Variants in TRPM6 observed in about 807,000 individuals in gnomAD.
TRPM6 encodes the protein transient receptor potential cation channel subfamily M member 6.
TRPM6 carries 111 observed loss-of-function variants against 247.6 expected under a neutral mutation model. That is an observed-to-expected ratio of 0.45 (90% CI 0.38 to 0.52). The LOEUF (loss-of-function observed/expected upper bound fraction) is 0.52, where lower values mean the gene tolerates loss of function less well. Ranked by LOEUF, TRPM6 falls within the 20% of genes least tolerant of loss-of-function variation. The pLI is 0.00. For missense variants in TRPM6, 2,126 were observed against 2,421.5 expected, an observed-to-expected ratio of 0.88 and a Z score of 2.56; for synonymous variants, 892 against 853.8, an observed-to-expected ratio of 1.04 and a Z score of -0.78.
intron 25 of TRPM6, 89 bp from the exon 26 acceptor site, chr9:74,763,223 C>G: frequency 1.6e-6 from 2 of 1,281,152 alleles, no homozygotes; most frequent in Non-Finnish European, 2.2e-6. Context: ...CCTTAAATGG[C>G]TCCTGAGCCT....
chr9:74,861,066 G>C (rs1479117594), intron 1 of TRPM6, among the ~76,000 whole-genome samples: 1 of 152,040 alleles, frequency 6.6e-6, no homozygotes. Flanking sequence ...CTATCTTTTT[G>C]AATCAGTCAG....
chr9:74,724,724 G>A lies in TRPM6; in HGVS notation c.5958C>T (p.Ser1986=). Residue 1986 remains serine (S), a synonymous_variant, in exon 39 of 39, where the codon TCC becomes TCT. Coordinates refer to ENST00000360774, the MANE Select transcript of TRPM6 (RefSeq NM_017662.5). ...CAAAGGTGGAATTTATCCTTTCAGGGGAATAGTCATTTCTTTTTAAATCTG... is the reference window on the plus strand; with the variant it reads ...CAAAGGTGGAATTTATCCTTTCAGGAGAATAGTCATTTCTTTTTAAATCTG... The part of the protein sequence containing the change: ...KLPDLKRNDY[S]PERINSTFGL... 6.2e-7 allele frequency: 1 copy of A among 1,614,096 alleles called. No homozygotes were observed. The highest frequency in any genetic ancestry group is 8.5e-7 in the Non-Finnish European group (1 of 1,180,026).
At chr9:74,816,465 GAAA>G (rs34100441) in intron 11 of TRPM6, among the ~76,000 whole-genome samples, 25 of 93,650 alleles carry the variant, frequency 2.7e-4, no homozygotes, top group African/African-American at 7.7e-4. Flanking sequence ...GCAGAGCCAG[GAAA>G]AAAAAAAAAA....
chr9:74,727,139 T>C (rs1247339542), intron 38 of TRPM6, among the ~76,000 whole-genome samples: 3 of 151,946 alleles, frequency 2.0e-5, no homozygotes, highest in African/African-American at 7.3e-5. Context: ...CCCAGCACTT[T>C]GGGGAGGCCG....
chr9:74,822,456 T>A (rs985530205), intron 7 of TRPM6, among the ~76,000 whole-genome samples: 2 of 151,390 alleles, frequency 1.3e-5, no homozygotes, highest in Non-Finnish European at 2.9e-5. Flanking sequence ...GGTCTCCCTA[T>A]GTTGCTCAGG....
Position 74,763,647 on chromosome 9 carries a change from A to G in TRPM6, c.3537-513T>C, listed in dbSNP as rs78015117. Among the ~76,000 whole-genome samples the G allele has an allele frequency of 2.6e-5, 4 of 152,148 alleles. No individual in the cohort carries two copies. The East Asian group carries it at 7.7e-4, about 29-fold the overall frequency. ...ACAGATCTTTAAAATTAAAAAAAAA[A>G]TCTCTAACTCTACTGTTCAAACAGG... On this transcript the variant is annotated intron_variant, in intron 25 of 38. Coordinates refer to ENST00000360774, the MANE Select transcript of TRPM6 (RefSeq NM_017662.5).
intron 21 of TRPM6, among the ~76,000 whole-genome samples, chr9:74,784,617 A>G (rs752887560): frequency 6.6e-6 from 1 of 152,214 alleles, no homozygotes; most frequent in Non-Finnish European, 1.5e-5. Context: ...GTAGCCTCAC[A>G]TGAATCTCGT....
At chr9:74,853,093 C>G (rs1587582173) in intron 3 of TRPM6, among the ~76,000 whole-genome samples, 1 of 151,928 alleles carries the variant, frequency 6.6e-6, no homozygotes, top group East Asian at 1.9e-4. Context: ...AGCGCCTCTG[C>G]CCGGCCGCGA....
intron 5 of TRPM6, among the ~76,000 whole-genome samples, chr9:74,836,632 G>A (rs1829732157): frequency 6.6e-6 from 1 of 152,172 alleles, no homozygotes; most frequent in African/African-American, 2.4e-5. Context: ...AACCCAATTT[G>A]ACCATGTTAT....
intron 15 of TRPM6, among the ~76,000 whole-genome samples, chr9:74,802,439 A>T (rs952523683): frequency 6.6e-6 from 1 of 152,188 alleles, no homozygotes; most frequent in African/African-American, 2.4e-5. Flanking sequence ...CCTCTTTAGG[A>T]TATACCCAGA....
At chr9:74,799,549 TACAC>T (rs140623880) in intron 17 of TRPM6, among the ~76,000 whole-genome samples, 16 of 145,184 alleles carry the variant, frequency 1.1e-4, no homozygotes, top group Middle Eastern at 3.5e-3. Context: ...CACACACACA[TACAC>T]ACACACACAC....
At chr9:74,774,155 A>C (rs918271613) in intron 24 of TRPM6, among the ~76,000 whole-genome samples, 3 of 152,190 alleles carry the variant, frequency 2.0e-5, no homozygotes, top group Non-Finnish European at 2.9e-5. Flanking sequence ...AAATTCAACA[A>C]TGTTCCACAA....
At chr9:74,804,681 G>A in intron 14 of TRPM6, 1 of 776,418 alleles carries the variant, frequency 1.3e-6, no homozygotes, top group Non-Finnish European at 2.3e-6. Context: ...CCCTACTGAA[G>A]ACTGGAGCTC....
At chr9:74,787,343 A>AG (rs1330280653) in intron 20 of TRPM6, among the ~76,000 whole-genome samples, 1 of 151,434 alleles carries the variant, frequency 6.6e-6, no homozygotes, top group African/African-American at 2.4e-5. Flanking sequence ...TCAAAAGAAA[A>AG]AAAAAAAGAA....
intron 14 of TRPM6, among the ~76,000 whole-genome samples, 191 bp downstream of exon 14, chr9:74,807,843 G>T (rs577843413): frequency 1.3e-5 from 2 of 152,188 alleles, no homozygotes; most frequent in African/African-American, 4.8e-5. Context: ...CTAAACTTCT[G>T]ATCCTTACGC....
intron 35 of TRPM6, 48 bp downstream of exon 35, chr9:74,739,319 A>G (rs768920046): frequency 2.0e-6 from 3 of 1,513,886 alleles, no homozygotes; most frequent in South Asian, 2.2e-5. Flanking sequence ...AAGACGTGAT[A>G]GAAATTCCTA....
rs1180509252 is a variant in TRPM6, at chr9:74,796,597, C to T, written c.2391+144G>A. The stretch of plus-strand genomic sequence containing the variant: ...AGAGGCATTTTAAAATAATGTACCC[C>T]AGGACCATATGTCATCACAGGCCTG... On this transcript the variant is annotated intron_variant, in intron 18 of 38. Coordinates refer to ENST00000360774, the MANE Select transcript of TRPM6 (RefSeq NM_017662.5). The T allele has an allele frequency of 3.8e-6, 3 of 779,952 alleles. No homozygotes were observed. In the East Asian group the frequency reaches 7.6e-5, roughly 20 times the overall value. The allele number at this position is 779,952 out of a possible 1,614,324, so 48.3% of individuals were successfully genotyped here.
chr9:74,780,029 G>T (rs993138353), intron 23 of TRPM6, among the ~76,000 whole-genome samples: 1 of 150,772 alleles, frequency 6.6e-6, no homozygotes, highest in Non-Finnish European at 1.5e-5. Flanking sequence ...AAAATTAGCC[G>T]GGTGTGGTGG....
At chr9:74,795,041 C>A (rs548891535) in intron 18 of TRPM6, among the ~76,000 whole-genome samples, 2 of 152,054 alleles carry the variant, frequency 1.3e-5, no homozygotes, top group Non-Finnish European at 2.9e-5. Context: ...AGTATTATTT[C>A]ACTGTGATTT....
Sources: allele counts gnomAD v4.1 joint callset (sites outside exome capture counted in the v4.1 genomes callset), GRCh38; gene constraint gnomAD v4.1.1; transcripts MANE v1.5; gene names NCBI Gene and HGNC (gene_info 2026-07-23, HGNC 2026-07-21).